The following SLC8A1 variants were observed in gnomAD, a reference collection of about 807,000 sequenced individuals.
SLC8A1 encodes sodium/calcium exchanger 1.
Under a neutral mutation model 68.3 loss-of-function variants are expected in SLC8A1, and 18 were observed. The observed-to-expected ratio is 0.26, with a 90% confidence interval of 0.18 to 0.39. The LOEUF (loss-of-function observed/expected upper bound fraction) is 0.39, where lower values mean the gene tolerates loss of function less well. SLC8A1 is among the 10% of genes least tolerant of loss of function. The pLI, the probability that SLC8A1 is intolerant of heterozygous loss-of-function variation, is 1.00. For synonymous variants in SLC8A1, 475 were observed against 415.5 expected (o/e 1.14, Z -1.74); for missense variants, 985 against 1,156.7 (o/e 0.85, Z 2.15).
chr2:40,202,863 C>T (rs2054653343), intron 2 of SLC8A1, among the ~76,000 whole-genome samples: 1 of 151,886 alleles, frequency 6.6e-6, no homozygotes. Context: ...TTCTCTATGC[C>T]CAGGTAGAAT....
At chr2:40,338,695 A>G (rs1188849003) in intron 2 of SLC8A1, among the ~76,000 whole-genome samples, 1 of 152,196 alleles carries the variant, frequency 6.6e-6, no homozygotes, top group Non-Finnish European at 1.5e-5. Flanking sequence ...TAAAGAAGTC[A>G]CTAGGGATGA....
intron 2 of SLC8A1, among the ~76,000 whole-genome samples, chr2:40,271,214 T>TACTCCTCTCTCACGTCCCCTCCC (rs932213388): frequency 1.3e-5 from 2 of 151,208 alleles, no homozygotes; most frequent in African/African-American, 2.4e-5. Flanking sequence ...TCTGGCTCAC[T>TACTCCTCTCTCACGTCCCCTCCC]ACTCCTCTCT....
At chr2:40,339,133 C>T (rs559879980) in intron 2 of SLC8A1, among the ~76,000 whole-genome samples, 18 of 150,190 alleles carry the variant, frequency 1.2e-4, no homozygotes, top group African/African-American at 4.0e-4. Context: ...ACCCACTACG[C>T]GCCTCTGGCT....
At chr2:40,386,042 C>T (rs1048585920) in intron 2 of SLC8A1, among the ~76,000 whole-genome samples, 1 of 151,128 alleles carries the variant, frequency 6.6e-6, no homozygotes, top group Non-Finnish European at 1.5e-5. Flanking sequence ...ACTGGTATTG[C>T]TTTTGAGCTC....
intron 2 of SLC8A1, among the ~76,000 whole-genome samples, chr2:40,302,292 G>A (rs2071639757): frequency 6.6e-6 from 1 of 151,714 alleles, no homozygotes; most frequent in Non-Finnish European, 1.5e-5. Flanking sequence ...CATCCTCATA[G>A]CTTAGCTCCC....
intron 2 of SLC8A1, among the ~76,000 whole-genome samples, chr2:40,311,937 A>G (rs887028482): frequency 6.6e-6 from 1 of 152,128 alleles, no homozygotes; most frequent in Non-Finnish European, 1.5e-5. Flanking sequence ...ACAAAGAGGC[A>G]CTTGTGAAAG....
chr2:40,161,301 T>C (rs2045639874), intron 5 of SLC8A1, among the ~76,000 whole-genome samples: 1 of 152,182 alleles, frequency 6.6e-6, no homozygotes, highest in African/African-American at 2.4e-5. Context: ...ATTGCTATTG[T>C]ATTTTGTTTA....
chr2:40,194,504 TGTGCGCGC>T (rs1234169842), intron 2 of SLC8A1, among the ~76,000 whole-genome samples: 24 of 143,320 alleles, frequency 1.7e-4, no homozygotes, highest in African/African-American at 3.3e-4. Flanking sequence ...TGTGTGTGTG[TGTGCGCGC>T]GCAAAGAAAA....
At chr2:40,291,993 A>T (rs2069421604) in intron 2 of SLC8A1, among the ~76,000 whole-genome samples, 1 of 151,634 alleles carries the variant, frequency 6.6e-6, no homozygotes, top group Non-Finnish European at 1.5e-5. Context: ...TATGTCAGAG[A>T]TCTAACATCA....
At chr2:40,449,734 A>C (rs955390980) in intron 1 of SLC8A1, among the ~76,000 whole-genome samples, 3 of 151,934 alleles carry the variant, frequency 2.0e-5, no homozygotes, top group African/African-American at 7.3e-5. Context: ...TTAGTTCATT[A>C]CTCTCCTCCT....
chr2:40,312,403 C>A (rs1224563204), intron 2 of SLC8A1, among the ~76,000 whole-genome samples: 1 of 152,092 alleles, frequency 6.6e-6, no homozygotes, highest in Non-Finnish European at 1.5e-5. Flanking sequence ...GCTCATCACA[C>A]ATCTGCTAAC....
At chr2:40,435,746 A>G (rs1699273258) in intron 1 of SLC8A1, among the ~76,000 whole-genome samples, 3 of 151,996 alleles carry the variant, frequency 2.0e-5, no homozygotes, top group African/African-American at 4.8e-5. Context: ...CCTTTCCCCT[A>G]CTTTATTTTT....
At chr2:40,177,678 A>T in intron 3 of SLC8A1, 1 of 885,672 alleles carries the variant, frequency 1.1e-6, no homozygotes, top group Non-Finnish European at 1.8e-6. Flanking sequence ...GGAGAGAGTT[A>T]AGTGTGAGAG....
chr2:40,189,448 G>A (rs2051331146), intron 2 of SLC8A1, among the ~76,000 whole-genome samples: 1 of 152,096 alleles, frequency 6.6e-6, no homozygotes, highest in African/African-American at 2.4e-5. Context: ...AACCTCCTGA[G>A]TAGCTGGGAC....
At chr2:40,302,281 G>A (rs921896422) in intron 2 of SLC8A1, among the ~76,000 whole-genome samples, 20 of 151,788 alleles carry the variant, frequency 1.3e-4, no homozygotes, top group Admixed American at 1.1e-3. Context: ...TTATGCCTTT[G>A]CATCCTCATA....
At chr2:40,190,726 A>G (rs1219072977) in intron 2 of SLC8A1, 1 of 152,178 alleles carries the variant, frequency 6.6e-6, no homozygotes, top group Admixed American at 6.5e-5. Context: ...ACCTGAAACA[A>G]AACTACAACA....
chr2:40,510,877 A>G (rs1197439196), intron 1 of SLC8A1, among the ~76,000 whole-genome samples: 1 of 152,182 alleles, frequency 6.6e-6, no homozygotes, highest in Non-Finnish European at 1.5e-5. Context: ...ATTATAGTGC[A>G]CTATTGAAAT....
At chr2:40,335,713 T>C (rs995148990) in intron 2 of SLC8A1, among the ~76,000 whole-genome samples, 2 of 152,204 alleles carry the variant, frequency 1.3e-5, no homozygotes, top group Non-Finnish European at 2.9e-5. Context: ...ACTACATAGA[T>C]CATGAAACTG....
At chr2:40,400,125 C>A (rs1688264035) in intron 2 of SLC8A1, among the ~76,000 whole-genome samples, 1 of 152,126 alleles carries the variant, frequency 6.6e-6, no homozygotes, top group Admixed American at 6.5e-5. Flanking sequence ...GAGTTGTGAG[C>A]CCTTAAAAGG....
Sources: gnomAD v4.1 joint callset for allele counts (sites outside exome capture counted in the v4.1 genomes callset) on GRCh38, gnomAD v4.1.1 for gene constraint, MANE v1.5 for transcripts, NCBI Gene and HGNC (gene_info 2026-07-23, HGNC 2026-07-21) for gene names.